RGS3: variants seen among roughly 807,000 people sequenced by gnomAD.
RGS3 encodes the protein regulator of G-protein signalling 3.
In RGS3, 80 loss-of-function variants were observed where a neutral mutation model predicts 132.6. The ratio of observed to expected loss-of-function variants is 0.60; its 90% CI spans 0.50 to 0.73. The LOEUF is 0.73. Among genes scored for constraint, RGS3 ranks in the 30% least tolerant of loss-of-function variants. The pLI is 0.00. For missense variants in RGS3, 1,382 were observed against 1,530.8 expected, an observed-to-expected ratio of 0.90 and a Z score of 1.62; for synonymous variants, 598 against 620.6, an observed-to-expected ratio of 0.96 and a Z score of 0.54.
Position 113,483,464 on chromosome 9 carries a change from G to C in RGS3, c.525+347G>C, listed in dbSNP as rs117636933. On this transcript the variant is annotated intron_variant, in intron 5 of 24. Transcript: ENST00000350696. ...CACTTTCCCCCCAAACTAGGGGCAGGATGGCCAGATTTGGGCAGTAGAGTG... is the reference window on the plus strand; with the variant it reads ...CACTTTCCCCCCAAACTAGGGGCAGCATGGCCAGATTTGGGCAGTAGAGTG... Among the ~76,000 whole-genome samples, 15 of 152,366 alleles carry C rather than the reference G, an allele frequency of 9.8e-5. No homozygotes were observed. The East Asian group carries it at 2.9e-3, about 29-fold the overall frequency.
At chr9:113,447,201 G>T (rs1312601016) in intron 1 of RGS3, among the ~76,000 whole-genome samples, 2 of 145,210 alleles carry the variant, frequency 1.4e-5, no homozygotes, top group Non-Finnish European at 3.0e-5. Flanking sequence ...GGTAGAGGTT[G>T]CAGTGAGCCA....
intron 1 of RGS3, among the ~76,000 whole-genome samples, chr9:113,445,548 T>G (rs79265136): frequency 0.011 from 1,665 of 152,308 alleles, 12 homozygotes; most frequent in Non-Finnish European, 0.018. Context: ...CTGGCCCAGT[T>G]TGACACCTGT....
chr9:113,546,128 G>C (rs1298915274), intron 19 of RGS3, among the ~76,000 whole-genome samples: 1 of 152,104 alleles, frequency 6.6e-6, no homozygotes. Context: ...CTCCTGCTTT[G>C]CACCTGGAGC....
At chr9:113,490,663 TAA>T (rs1830477131) in intron 7 of RGS3, among the ~76,000 whole-genome samples, 1 of 145,362 alleles carries the variant, frequency 6.9e-6, no homozygotes, top group Admixed American at 7.1e-5. Context: ...TATATTATTA[TAA>T]ATTATATAAT....
exon 3 of RGS3, chr9:113,462,056 A>G (rs945194423): frequency 6.2e-7 from 1 of 1,614,034 alleles, no homozygotes; most frequent in Non-Finnish European, 8.5e-7. Context: ...TCCTCTCTAC[A>G]TCCTGTGGCT....
upstream of RGS3, among the ~76,000 whole-genome samples, chr9:113,458,955 T>C (rs1829414670): frequency 6.6e-6 from 1 of 152,242 alleles, no homozygotes; most frequent in South Asian, 2.1e-4. Flanking sequence ...TTCACCATAT[T>C]GATCAGGCTG....
At chr9:113,511,830 G>A (rs1231562637) in intron 14 of RGS3, among the ~76,000 whole-genome samples, 1 of 152,006 alleles carries the variant, frequency 6.6e-6, no homozygotes, top group East Asian at 1.9e-4. Flanking sequence ...GCATGGTTTT[G>A]CCTTCTCTGC....
chr9:113,541,840 A>G, intron 19 of RGS3: 5 of 990,826 alleles, frequency 5.0e-6, no homozygotes, highest in Non-Finnish European at 6.0e-6. Context: ...CCATCCACTC[A>G]TTTTCCACCT....
chr9:113,544,936 C>T (rs1037836925), intron 19 of RGS3, among the ~76,000 whole-genome samples: 4 of 152,166 alleles, frequency 2.6e-5, no homozygotes, highest in African/African-American at 9.7e-5. Flanking sequence ...AGAGGGAATG[C>T]TTTTAGGATA....
intron 18 of RGS3, among the ~76,000 whole-genome samples, chr9:113,530,562 TG>T (rs1832421369): frequency 6.6e-6 from 1 of 152,238 alleles, no homozygotes; most frequent in Non-Finnish European, 1.5e-5. Flanking sequence ...CTCACCACAC[TG>T]GGTTCTGATT....
At chr9:113,581,032 C>T (rs1391314818) in intron 19 of RGS3, 25 of 69,024 alleles carry the variant, frequency 3.6e-4, no homozygotes, top group Admixed American at 3.1e-3. Flanking sequence ...GGGGGTGGGT[C>T]GGGGGGAGGT....
chr9:113,447,323 G>GTATATGTA lies in RGS3; in HGVS notation c.-13+2402_-13+2409dup, dbSNP rs1174925164. On this transcript the variant is annotated intron_variant, in intron 1 of 25. Coordinates refer to the RGS3 transcript ENST00000374140. ...TGTAAACCAATAAATTCTGATGTAT[G>GTATATGTA]TATATGTATATATATATATATATAT... Among the ~76,000 whole-genome samples, 137 of 29,264 alleles carry GTATATGTA rather than the reference G, an allele frequency of 4.7e-3. 4 individuals are homozygous for GTATATGTA. The highest frequency in any genetic ancestry group is 0.013 in the South Asian group (4 of 300). The allele number at this position is 29,264 out of a possible 152,430, so 19.2% of individuals were successfully genotyped here.
intron 21 of RGS3, 39 bp from the exon 20 acceptor site, chr9:113,594,391 G>A (rs1012943142): frequency 6.2e-7 from 1 of 1,609,674 alleles, no homozygotes; most frequent in African/African-American, 1.3e-5. Flanking sequence ...GGGCGAGTGG[G>A]CCAGGCTGAG....
intron 21 of RGS3, chr9:113,593,845 T>TC (rs1311586100): frequency 1.4e-6 from 2 of 1,437,318 alleles, no homozygotes; most frequent in Non-Finnish European, 1.9e-6. Flanking sequence ...GGGCAGTGCC[T>TC]CCCCTGGCTC....
exon 25 of RGS3, chr9:113,597,525 C>T (rs1439668452): frequency 6.5e-6 from 1 of 152,776 alleles, no homozygotes; most frequent in East Asian, 1.9e-4. Flanking sequence ...TCTCCAGCTT[C>T]AGGGGATATG....
chr9:113,495,872 G>A lies in RGS3; in HGVS notation c.750+26G>A, dbSNP rs775501357. On this transcript the variant is annotated intron_variant, in intron 8 of 24. Coordinates refer to ENST00000350696, the Ensembl canonical transcript of RGS3. ...GTGGGTCCTAGGGATGCTTCTGTCA[G>A]GATCATCCCAACTGGGCCGGGGCTG... The A allele has an allele frequency of 5.0e-6, 8 of 1,602,612 alleles. No homozygotes were observed. The South Asian group carries it at 7.7e-5, about 15-fold the overall frequency.
At chr9:113,461,191 G>A (rs1357753757) in intron 1 of RGS3, among the ~76,000 whole-genome samples, 4 of 152,126 alleles carry the variant, frequency 2.6e-5, no homozygotes, top group Admixed American at 6.5e-5. Context: ...GATTGTTATC[G>A]TGTGTGGTAT....
intron 19 of RGS3, chr9:113,541,228 G>C (rs1315373207): frequency 8.0e-6 from 11 of 1,368,316 alleles, no homozygotes; most frequent in Non-Finnish European, 1.1e-5. Context: ...GGGTGTGTGA[G>C]TGCCTTAGAA....
chr9:113,548,992 C>G (rs1356918719), intron 19 of RGS3, among the ~76,000 whole-genome samples: 1 of 152,182 alleles, frequency 6.6e-6, no homozygotes, highest in Admixed American at 6.5e-5. Flanking sequence ...TTGCTGGTGT[C>G]CCCTCCCTTG....
Sources: allele counts gnomAD v4.1 joint callset (sites outside exome capture counted in the v4.1 genomes callset), GRCh38; gene constraint gnomAD v4.1.1; transcripts MANE v1.5; gene names NCBI Gene and HGNC (gene_info 2026-07-23, HGNC 2026-07-21).